CADPS2: variants seen among roughly 807,000 people sequenced by gnomAD.
The protein encoded by CADPS2 is calcium-dependent secretion activator 2.
Under a neutral mutation model 172.5 loss-of-function variants are expected in CADPS2, and 93 were observed. The ratio of observed to expected loss-of-function variants is 0.54; its 90% CI spans 0.46 to 0.64. The LOEUF (loss-of-function observed/expected upper bound fraction) is 0.64, where lower values mean the gene tolerates loss of function less well. CADPS2 is among the 30% of genes least tolerant of loss of function. The probability of loss-of-function intolerance (pLI) is 0.00; values close to 1 mark genes in which losing one functional copy is unlikely to be tolerated. For synonymous variants in CADPS2, 546 were observed against 555.2 expected, an observed-to-expected ratio of 0.98 and a Z score of 0.23; for missense variants, 1,420 against 1,565.9, an observed-to-expected ratio of 0.91 and a Z score of 1.57.
intron 8 of CADPS2, among the ~76,000 whole-genome samples, chr7:122,523,289 C>T (rs1385514010): frequency 6.6e-6 from 1 of 151,980 alleles, no homozygotes; most frequent in East Asian, 1.9e-4. Flanking sequence ...GCACTGTCAC[C>T]TAGAAATAAA....
rs2033978101 is a variant in CADPS2 at position 122,326,873 on chromosome 7, AATTT to A, written c.3613-1296_3613-1293del. ...ACATTTTACCATGCTTATTTCCATTAATTTGTTAGTATAATGAACATATATGCAT... is the reference window on the plus strand; with the variant it reads ...ACATTTTACCATGCTTATTTCCATTAGTTAGTATAATGAACATATATGCAT... On this transcript the variant is annotated intron_variant, in intron 28 of 29. Coordinates refer to ENST00000449022, the MANE Select transcript of CADPS2 (RefSeq NM_017954.11). Among the ~76,000 whole-genome samples the A allele has an allele frequency of 6.6e-5, 10 of 152,180 alleles. No homozygotes were observed. In the South Asian group the frequency reaches 2.1e-3, roughly 31 times the overall value.
intron 25 of CADPS2, among the ~76,000 whole-genome samples, chr7:122,366,392 C>T (rs1192853113): frequency 6.7e-6 from 1 of 149,286 alleles, no homozygotes; most frequent in African/African-American, 2.5e-5. Context: ...ATCACGAGGT[C>T]AGGCATTTGA....
intron 5 of CADPS2, among the ~76,000 whole-genome samples, chr7:122,616,478 T>C (rs1247211894): frequency 4.6e-5 from 7 of 152,264 alleles, no homozygotes; most frequent in African/African-American, 1.4e-4. Flanking sequence ...AATGTGTATT[T>C]GTTTTTTGTT....
At chr7:122,657,798 T>C (rs1157143963) in intron 3 of CADPS2, among the ~76,000 whole-genome samples, 1 of 152,172 alleles carries the variant, frequency 6.6e-6, no homozygotes, top group Admixed American at 6.5e-5. Context: ...GAATACCCTT[T>C]CTTTCTTTCT....
At chr7:122,685,847 T>C (rs981699342) in intron 2 of CADPS2, among the ~76,000 whole-genome samples, 10 of 152,320 alleles carry the variant, frequency 6.6e-5, no homozygotes, top group African/African-American at 2.4e-4. Flanking sequence ...AAGACAGTAA[T>C]TCATTCCAGT....
chr7:122,725,591 A>G (rs945673513), intron 2 of CADPS2, among the ~76,000 whole-genome samples: 2 of 129,322 alleles, frequency 1.5e-5, no homozygotes, highest in African/African-American at 5.7e-5. Context: ...TAAAACCACA[A>G]TGAGATAGCA....
chr7:122,360,735 T>C, intron 27 of CADPS2, 53 bp downstream of exon 27: 1 of 1,457,776 alleles, frequency 6.9e-7, no homozygotes, highest in Admixed American at 2.3e-5. Context: ...TGAACTGCAA[T>C]TTTTTTTTAA....
intron 6 of CADPS2, among the ~76,000 whole-genome samples, chr7:122,595,501 T>C (rs1399962549): frequency 3.9e-5 from 6 of 152,080 alleles, no homozygotes; most frequent in African/African-American, 1.4e-4. Flanking sequence ...ATACTATTCT[T>C]AATTGCTTAC....
intron 9 of CADPS2, among the ~76,000 whole-genome samples, chr7:122,500,153 A>T (rs933137382): frequency 4.6e-5 from 7 of 152,174 alleles, no homozygotes; most frequent in African/African-American, 1.7e-4. Flanking sequence ...CCATTTCTAT[A>T]TATTTCTCAA....
intron 8 of CADPS2, among the ~76,000 whole-genome samples, chr7:122,532,030 CAA>C (rs11326243): frequency 0.017 from 2,233 of 131,618 alleles, 59 homozygotes; most frequent in African/African-American, 0.057. Flanking sequence ...GACTCCGTCT[CAA>C]AAAAAAAAAA....
chr7:122,435,255 T>C (rs921596441), intron 17 of CADPS2, among the ~76,000 whole-genome samples: 2 of 152,078 alleles, frequency 1.3e-5, no homozygotes, highest in African/African-American at 4.8e-5. Flanking sequence ...CACCATACAT[T>C]TGAGAAAGGG....
chr7:122,769,721 C>T (rs1302041660), intron 1 of CADPS2, among the ~76,000 whole-genome samples: 6 of 152,122 alleles, frequency 3.9e-5, no homozygotes, highest in Admixed American at 1.3e-4. Flanking sequence ...AGGGGCAATA[C>T]GGGATCGCAC....
At chr7:122,369,620 TCTC>T (rs1421090943) in intron 25 of CADPS2, 1 of 152,260 alleles carries the variant, frequency 6.6e-6, no homozygotes, top group Non-Finnish European at 1.5e-5. Flanking sequence ...CTCCTTGACA[TCTC>T]CTCCCTCAGG....
Position 122,736,960 on chromosome 7 carries a change from A to G in CADPS2, c.448T>C (p.Tyr150His). 1 of 1,582,624 alleles carries G rather than the reference A, an allele frequency of 6.3e-7. No homozygotes were observed. Among genetic ancestry groups the G allele is most frequent in the Non-Finnish European group, 8.7e-7 (1 of 1,152,470 alleles). The change falls in exon 2 of 30, where the codon TAT becomes CAT. Residue 150 changes from tyrosine (Y) to histidine (H), a missense_variant. Physicochemically the swap from Tyr to His is moderately conservative, Grantham distance 83 (BLOSUM62 2). Coordinates refer to ENST00000449022, the MANE Select transcript of CADPS2 (RefSeq NM_017954.11). ...EAFCNAVRSY[Y>H]EVFLKSDRVA... is the part of the protein sequence containing the mutation. ...ACAAAGCTCTTCAAACTTACCTCAT[A>G]ATAACTCCGAACTGCGTTGCAAAAT...
intron 1 of CADPS2, among the ~76,000 whole-genome samples, chr7:122,791,236 G>T (rs1482411178): frequency 1.3e-5 from 2 of 152,062 alleles, no homozygotes; most frequent in Non-Finnish European, 2.9e-5. Context: ...TCCCTCCTAG[G>T]TATGAAATAA....
chr7:122,578,647 AG>A (rs1472733252), intron 7 of CADPS2, among the ~76,000 whole-genome samples: 1 of 152,116 alleles, frequency 6.6e-6, no homozygotes, highest in Non-Finnish European at 1.5e-5. Flanking sequence ...CACTATAATG[AG>A]GAGTCTGATT....
At chr7:122,697,733 T>C in intron 2 of CADPS2, 1 of 1,320,446 alleles carries the variant, frequency 7.6e-7, no homozygotes, top group Non-Finnish European at 1.0e-6. Flanking sequence ...TGCTTGTCAG[T>C]ATTAGGACCT....
chr7:122,487,038 C>G (rs1017502018), intron 11 of CADPS2, among the ~76,000 whole-genome samples: 5 of 120,284 alleles, frequency 4.2e-5, no homozygotes, highest in African/African-American at 6.5e-5. Flanking sequence ...TTTTTTGAGA[C>G]AGGGTTTCAC....
intron 3 of CADPS2, among the ~76,000 whole-genome samples, chr7:122,632,472 C>T (rs1489720800): frequency 6.6e-6 from 1 of 152,136 alleles, no homozygotes; most frequent in Non-Finnish European, 1.5e-5. Context: ...TGATGTTGAG[C>T]ATTTGCTCAT....
Sources: allele counts gnomAD v4.1 joint callset (sites outside exome capture counted in the v4.1 genomes callset), GRCh38; gene constraint gnomAD v4.1.1; transcripts MANE v1.5; gene names NCBI Gene and HGNC (gene_info 2026-07-23, HGNC 2026-07-21).